FGGY: variants seen among roughly 807,000 people sequenced by gnomAD.
FGGY encodes the protein FGGY carbohydrate kinase domain-containing protein.
In FGGY, 72 loss-of-function variants were observed where a neutral mutation model predicts 71.3. That is an observed-to-expected ratio of 1.01 (90% CI 0.84 to 1.23). The LOEUF is 1.23. Among genes scored for constraint, FGGY ranks in the 50% most tolerant of loss-of-function variants. FGGY has a pLI of 0.00. For synonymous variants in FGGY, 251 were observed against 250.3 expected (o/e 1.00, Z -0.02); for missense variants, 668 against 682.3 (o/e 0.98, Z 0.23).
intron 6 of FGGY, among the ~76,000 whole-genome samples, chr1:59,491,693 C>CTTTTTTT (rs5774472): frequency 1.4e-5 from 2 of 145,594 alleles, no homozygotes; most frequent in Non-Finnish European, 1.5e-5. Context: ...TTTAGCTGTT[C>CTTTTTTT]TTTTTTTTTT....
At chr1:59,475,994 TTG>T (rs760078535) in intron 6 of FGGY, among the ~76,000 whole-genome samples, 2 of 152,232 alleles carry the variant, frequency 1.3e-5, no homozygotes, top group Non-Finnish European at 2.9e-5. Context: ...CTGACTTTTA[TTG>T]CTTACCATGC....
intron 9 of FGGY, among the ~76,000 whole-genome samples, chr1:59,621,420 C>A (rs578044377): frequency 8.2e-6 from 1 of 121,740 alleles, no homozygotes; most frequent in African/African-American, 3.1e-5. Context: ...CATGTGATAT[C>A]TTTTCCCAAG....
chr1:59,406,273 C>G (rs746794288), intron 5 of FGGY, among the ~76,000 whole-genome samples: 25 of 151,844 alleles, frequency 1.6e-4, no homozygotes, highest in Non-Finnish European at 2.8e-4. Context: ...GTGTTCCTAG[C>G]CGATGGCAAA....
At chr1:59,310,227 T>C (rs2044063622) in intron 1 of FGGY, 2 of 152,232 alleles carry the variant, frequency 1.3e-5, no homozygotes, top group Admixed American at 1.3e-4. Context: ...TGGGAAAAAC[T>C]GTGGATTTCG....
chr1:59,727,293 T>C (rs1287279885), intron 14 of FGGY, among the ~76,000 whole-genome samples: 1 of 152,210 alleles, frequency 6.6e-6, no homozygotes, highest in Admixed American at 6.5e-5. Context: ...AGTCCACCAT[T>C]GATGAACACC....
intron 1 of FGGY, among the ~76,000 whole-genome samples, chr1:59,300,308 C>T (rs909793449): frequency 6.6e-6 from 1 of 152,166 alleles, no homozygotes; most frequent in African/African-American, 2.4e-5. Context: ...AGTATGTATT[C>T]AATCTTTCGT....
chr1:59,359,671 GTC>G (rs2055035031), intron 4 of FGGY, among the ~76,000 whole-genome samples: 1 of 152,152 alleles, frequency 6.6e-6, no homozygotes, highest in Non-Finnish European at 1.5e-5. Flanking sequence ...AAAGGCTCCT[GTC>G]TCTCTGAATC....
intron 8 of FGGY, among the ~76,000 whole-genome samples, chr1:59,599,293 A>G (rs2096553610): frequency 2.0e-5 from 3 of 151,816 alleles, no homozygotes; most frequent in Non-Finnish European, 4.4e-5. Flanking sequence ...TAGTAGAGCC[A>G]GGGTTTCACC....
chr1:59,672,688 T>TG (rs1158286208), intron 13 of FGGY, among the ~76,000 whole-genome samples: 1 of 151,998 alleles, frequency 6.6e-6, no homozygotes, highest in Non-Finnish European at 1.5e-5. Flanking sequence ...AAGAATTGAG[T>TG]GGGGAAGTAA....
intron 8 of FGGY, among the ~76,000 whole-genome samples, chr1:59,565,339 C>T (rs981972071): frequency 3.3e-5 from 5 of 152,000 alleles, no homozygotes; most frequent in African/African-American, 1.2e-4. Flanking sequence ...GGCTGGGGTG[C>T]AGGTGCGCCA....
chr1:59,534,431 C>T (rs1340804140), intron 7 of FGGY, among the ~76,000 whole-genome samples: 1 of 152,106 alleles, frequency 6.6e-6, no homozygotes, highest in Non-Finnish European at 1.5e-5. Context: ...AGGAGAACTC[C>T]CCCAATCTAG....
At chr1:59,431,462 A>G (rs1284909404) in intron 5 of FGGY, among the ~76,000 whole-genome samples, 2 of 152,072 alleles carry the variant, frequency 1.3e-5, no homozygotes, top group Non-Finnish European at 2.9e-5. Flanking sequence ...ATTGGCCTGT[A>G]CCTTTGACTC....
intron 14 of FGGY, among the ~76,000 whole-genome samples, chr1:59,730,256 C>G (rs1453615496): frequency 6.6e-6 from 1 of 151,822 alleles, no homozygotes; most frequent in African/African-American, 2.4e-5. Context: ...TGTCCTGTAA[C>G]CTCAGTTCTC....
chr1:59,620,773 ATAAATACC>A (rs771881798), intron 9 of FGGY, among the ~76,000 whole-genome samples: 38 of 152,096 alleles, frequency 2.5e-4, no homozygotes, highest in Non-Finnish European at 4.3e-4. Flanking sequence ...CATGAAAGGT[ATAAATACC>A]CTTCAACTGT....
intron 11 of FGGY, among the ~76,000 whole-genome samples, chr1:59,642,437 C>G (rs1434004840): frequency 5.3e-5 from 8 of 150,136 alleles, no homozygotes; most frequent in Non-Finnish European, 1.2e-4. Context: ...CCAGCCTGAC[C>G]AACATGGTGA....
Position 59,449,849 on chromosome 1 carries a change from A to G in FGGY, c.555-7112A>G, listed in dbSNP as rs866760966. Among the ~76,000 whole-genome samples, 16 of 152,258 alleles carry G rather than the reference A, an allele frequency of 1.1e-4. No homozygotes were observed. The South Asian group carries it at 1.2e-3, about 12-fold the overall frequency. On this transcript the variant is annotated intron_variant, in intron 5 of 15. Transcript: ENST00000303721. ...TCTGGGCATGGTGGTGTGTGCTTAT[A>G]GTCTCAGCTACTTAGGAGGCTCAGG...
chr1:59,705,840 T>C (rs12032216), intron 14 of FGGY, among the ~76,000 whole-genome samples: 29,649 of 152,226 alleles, frequency 0.19, 3,674 homozygotes, highest in East Asian at 0.41. Flanking sequence ...AGACCTTTTT[T>C]CCCCTGGACC....
chr1:59,587,618 A>T (rs1170630614), intron 8 of FGGY, among the ~76,000 whole-genome samples: 2 of 152,136 alleles, frequency 1.3e-5, no homozygotes, highest in Non-Finnish European at 2.9e-5. Context: ...GAACGATCAG[A>T]CAGCTGCATT....
chr1:59,466,312 C>T (rs2092623801), intron 6 of FGGY, among the ~76,000 whole-genome samples: 1 of 152,082 alleles, frequency 6.6e-6, no homozygotes, highest in African/African-American at 2.4e-5. Flanking sequence ...ATGTAGAAAG[C>T]TGAAACTGGA....
Sources: allele counts gnomAD v4.1 joint callset (sites outside exome capture counted in the v4.1 genomes callset), GRCh38; gene constraint gnomAD v4.1.1; transcripts MANE v1.5; gene names NCBI Gene and HGNC (gene_info 2026-07-23, HGNC 2026-07-21).